YES1: variants seen among roughly 807,000 people sequenced by gnomAD.
YES1 encodes tyrosine-protein kinase Yes.
YES1 carries 39 observed loss-of-function variants against 70.4 expected under a neutral mutation model. The observed-to-expected ratio is 0.55, with a 90% CI of 0.43 to 0.72. YES1 has a LOEUF of 0.72. YES1 is among the 30% of genes least tolerant of loss of function. YES1 has a pLI of 0.00. For synonymous variants in YES1, 198 were observed against 218.6 expected, an observed-to-expected ratio of 0.91 and a Z score of 0.83; for missense variants, 495 against 644.8, an observed-to-expected ratio of 0.77 and a Z score of 2.52.
Position 781,295 on chromosome 18 carries a change from C to G in YES1, c.-8-24460G>C, listed in dbSNP as rs184501243. Among the ~76,000 whole-genome samples, 522 of 141,798 alleles carry G rather than the reference C, an allele frequency of 3.7e-3. 4 individuals carry two copies. Among genetic ancestry groups the G allele is most frequent in the African/African-American group, 0.013 (493 of 36,922 alleles). The allele number at this position is 141,798 out of a possible 152,430, so 93.0% of individuals were successfully genotyped here. ...AAAAAAAAAAAAAAAAATAAGAGGG[C>G]CTTGTATGATTTGCTTAATTTACCT... On this transcript the variant is annotated intron_variant, in intron 1 of 11. Transcript: ENST00000314574.
At chr18:766,720 T>C (rs751453705) in intron 1 of YES1, among the ~76,000 whole-genome samples, 2 of 152,132 alleles carry the variant, frequency 1.3e-5, no homozygotes, top group Non-Finnish European at 2.9e-5. Context: ...ATCTCTACTT[T>C]GGTGACGTGA....
chr18:786,496 T>TACACAC (rs56410052), intron 1 of YES1, among the ~76,000 whole-genome samples: 9,594 of 139,384 alleles, frequency 0.069, 393 homozygotes, highest in African/African-American at 0.12. Context: ...AATAAGTCCA[T>TACACAC]ACACACACAC....
chr18:805,742 T>C (rs1486023634), intron 1 of YES1, among the ~76,000 whole-genome samples: 2 of 152,198 alleles, frequency 1.3e-5, no homozygotes, highest in African/African-American at 2.4e-5. Context: ...CTGTAAAATA[T>C]TAATCACATC....
chr18:755,254 T>TC (rs1299647398), intron 2 of YES1, among the ~76,000 whole-genome samples: 4 of 151,044 alleles, frequency 2.6e-5, no homozygotes, highest in African/African-American at 7.3e-5. Context: ...CCATTGCCTT[T>TC]TTTTTTTTTT....
intron 6 of YES1, among the ~76,000 whole-genome samples, chr18:744,783 A>G (rs2080260302): frequency 7.1e-6 from 1 of 141,480 alleles, no homozygotes; most frequent in Non-Finnish European, 1.5e-5. Context: ...ATCCTCCTGC[A>G]TCAGTAGTTG....
At chr18:742,097 T>C (rs1194423435) in intron 8 of YES1, among the ~76,000 whole-genome samples, 1 of 152,180 alleles carries the variant, frequency 6.6e-6, no homozygotes, top group Non-Finnish European at 1.5e-5. Flanking sequence ...GACTACTGTA[T>C]ATTATTGGTT....
intron 11 of YES1, among the ~76,000 whole-genome samples, chr18:725,841 G>A (rs191537520): frequency 7.9e-5 from 12 of 152,152 alleles, no homozygotes; most frequent in African/African-American, 1.9e-4. Context: ...CCGAGATTGC[G>A]CCATAGCACT....
intron 1 of YES1, among the ~76,000 whole-genome samples, chr18:764,196 T>C (rs1904751172): frequency 6.6e-6 from 1 of 152,160 alleles, no homozygotes; most frequent in Admixed American, 6.5e-5. Context: ...ATACGTGTAT[T>C]AAGGGTTGGC....
At chr18:772,520 C>T (rs1905206474) in intron 1 of YES1, among the ~76,000 whole-genome samples, 2 of 152,014 alleles carry the variant, frequency 1.3e-5, no homozygotes, top group African/African-American at 2.4e-5. Context: ...GCAACCTCCG[C>T]CTCCTGGGTT....
At chr18:725,343 C>T (rs1003212889) in intron 11 of YES1, among the ~76,000 whole-genome samples, 4 of 152,094 alleles carry the variant, frequency 2.6e-5, no homozygotes, top group African/African-American at 9.7e-5. Context: ...TCAGGCCATC[C>T]CTTGTATCTC....
At chr18:799,575 TG>T (rs1269819110) in intron 1 of YES1, among the ~76,000 whole-genome samples, 2 of 151,984 alleles carry the variant, frequency 1.3e-5, no homozygotes, top group Non-Finnish European at 2.9e-5. Flanking sequence ...CCAGGCAAGG[TG>T]GTGCATGCCC....
rs2080193556 is a variant in YES1 at position 739,608 on chromosome 18, CTAAAAAA to C, written c.1137+120_1137+126del. 1.5e-5 allele frequency: 11 copies of C among 757,060 alleles called. No homozygotes were observed. In the South Asian group the frequency reaches 2.8e-4, roughly 19 times the overall value. The allele number at this position is 757,060 out of a possible 1,614,324, so 46.9% of individuals were successfully genotyped here. A position where few individuals can be genotyped will look rare whatever the true frequency, so the allele number is the denominator to read the frequency against. On this transcript the variant is annotated intron_variant, in intron 9 of 11. Coordinates refer to ENST00000314574, the MANE Select transcript of YES1 (RefSeq NM_005433.4). ...TGGGTGACAGAATGAGACGCTGTCT[CTAAAAAA>C]TAAAAAATAAAAATAAAATCCCACC...
chr18:811,889 G>T (rs900867216), intron 1 of YES1, among the ~76,000 whole-genome samples: 1 of 152,162 alleles, frequency 6.6e-6, no homozygotes, highest in Non-Finnish European at 1.5e-5. Flanking sequence ...GGCAGGTCTG[G>T]ACAGGGCAGA....
chr18:741,293 G>A (rs1014747973), intron 8 of YES1, among the ~76,000 whole-genome samples: 1 of 150,980 alleles, frequency 6.6e-6, no homozygotes, highest in African/African-American at 2.4e-5. Flanking sequence ...CCCCAGATGG[G>A]AGTGCAGTGG....
At chr18:758,782 T>C (rs1452825334) in intron 1 of YES1, among the ~76,000 whole-genome samples, 1 of 152,182 alleles carries the variant, frequency 6.6e-6, no homozygotes, top group Admixed American at 6.5e-5. Context: ...TTAATGGCAA[T>C]ACACTCCTTC....
intron 8 of YES1, among the ~76,000 whole-genome samples, chr18:740,511 G>A (rs1313243465): frequency 1.3e-5 from 2 of 152,212 alleles, no homozygotes; most frequent in East Asian, 3.8e-4. Flanking sequence ...CTGGATCGGG[G>A]AAGTGTAGTT....
chr18:732,005 G>A (rs914115509), intron 11 of YES1, among the ~76,000 whole-genome samples: 2 of 146,154 alleles, frequency 1.4e-5, no homozygotes, highest in African/African-American at 5.1e-5. Context: ...AATTTTGAAA[G>A]GGAAACACTT....
chr18:776,430 A>C (rs1905388391), intron 1 of YES1, among the ~76,000 whole-genome samples: 1 of 152,106 alleles, frequency 6.6e-6, no homozygotes, highest in Non-Finnish European at 1.5e-5. Flanking sequence ...TTATGTTCAT[A>C]ATTACTAATG....
intron 9 of YES1, chr18:738,012 T>C (rs1203450021): frequency 2.0e-5 from 3 of 152,000 alleles, no homozygotes; most frequent in Admixed American, 6.6e-5. Flanking sequence ...GAAAAAAGTA[T>C]GACAGATTGG....
Sources: allele counts gnomAD v4.1 joint callset (sites outside exome capture counted in the v4.1 genomes callset), GRCh38; gene constraint gnomAD v4.1.1; transcripts MANE v1.5; gene names NCBI Gene and HGNC (gene_info 2026-07-23, HGNC 2026-07-21).